Variants in ZNF468 observed in about 807,000 individuals in gnomAD.
ZNF468 encodes the protein zinc finger protein ZNF468.
ZNF468 carries 8 observed loss-of-function variants against 7.2 expected under a neutral mutation model. The observed-to-expected ratio is 1.11, with a 90% CI of 0.65 to 2.01. ZNF468 has a LOEUF of 2.01. Ranked by LOEUF, ZNF468 falls within the 30% of genes most tolerant of loss-of-function variation. The pLI is 0.00. For synonymous variants in ZNF468, 218 were observed against 214.4 expected, an observed-to-expected ratio of 1.02 and a Z score of -0.15; for missense variants, 608 against 626.5, an observed-to-expected ratio of 0.97 and a Z score of 0.31.
chr19:52,838,281 G>A lies in ZNF468; in HGVS notation c.*2444C>T, dbSNP rs1378227061. The A allele has an allele frequency of 1.3e-5, 2 of 152,128 alleles. No homozygotes were observed. Among genetic ancestry groups the A allele is most frequent in the African/African-American group, 4.8e-5 (2 of 41,412 alleles). 9.4% of individuals were successfully genotyped at this position (152,128 alleles called of 1,614,324 possible). A position where few individuals can be genotyped will look rare whatever the true frequency, so the allele number is the denominator to read the frequency against. ...CATCATCTCAATACATGGAGAAAAA[G>A]CATTTCACAAAAGTCAACATCAAGT... On this transcript the variant is annotated 3_prime_UTR_variant, in exon 4 of 4. Transcript: ENST00000595646.
intron 3 of ZNF468, among the ~76,000 whole-genome samples, chr19:52,846,005 T>C (rs1789331800): frequency 6.6e-6 from 1 of 152,032 alleles, no homozygotes; most frequent in Non-Finnish European, 1.5e-5. Flanking sequence ...CTCTATCTCA[T>C]AAATACATAA....
At chr19:52,857,060 C>T (rs1347054693) in intron 1 of ZNF468, among the ~76,000 whole-genome samples, 1 of 151,320 alleles carries the variant, frequency 6.6e-6, no homozygotes, top group East Asian at 2.0e-4. Flanking sequence ...TCAGGGGACG[C>T]GGTGACTGCG....
chr19:52,848,778 T>C (rs2063360031), intron 3 of ZNF468, among the ~76,000 whole-genome samples: 1 of 152,104 alleles, frequency 6.6e-6, no homozygotes, highest in Non-Finnish European at 1.5e-5. Context: ...CTCGAACTCC[T>C]CACCCATAGT....
rs781704250 is a variant in ZNF468 at position 52,841,891 on chromosome 19, G to A, written c.403C>T (p.Arg135Cys). Residue 135 changes from arginine to cysteine, a missense_variant, in exon 4 of 4, where the codon CGT becomes TGT. Physicochemically the swap from Arg to Cys is radical, Grantham distance 180 (BLOSUM62 -3). Transcript: ENST00000595646. ...QHDQRHAGNK[R>C]IKDQLGSSFH... ...CTTGATCCAAGCTGATCTTTAATAC[G>A]CTTGTTTCCAGCATGCCTTTGATCA... The A allele has an allele frequency of 2.5e-6, 4 of 1,613,948 alleles. No individual in the cohort carries two copies. Among genetic ancestry groups the A allele is most frequent in the African/African-American group, 2.7e-5 (2 of 74,894 alleles).
rs554007358 is a variant in ZNF468, at chr19:52,840,307, GAATTACAAGGTGTGAATTTTGACCTTTT to G, written c.*390_*417del. The G allele has an allele frequency of 2.9e-4, 120 of 418,032 alleles. No homozygotes were observed. Among genetic ancestry groups the G allele is most frequent in the African/African-American group, 2.2e-3 (109 of 48,738 alleles). 25.9% of individuals were successfully genotyped at this position (418,032 alleles called of 1,614,324 possible). On this transcript the variant is annotated 3_prime_UTR_variant, in exon 4 of 4. Transcript: ENST00000595646. ...TGCTTGTAAGGTTTCTCTCCACTAT[GAATTACAAGGTGTGAATTTTGACCTTTT>G]AATTACAAGGTGTGAATTTTGACCA...
In ZNF468 at chr19:52,850,627, C is replaced by T. The variant is rs559557003; in HGVS notation, c.16-1414G>A. ...AAAAATAACTATTATGGGCCGGGCG[C>T]GGTGGCTCACGCCTGTAATCCCAGC... On this transcript the variant is annotated intron_variant, in intron 2 of 3. Transcript: ENST00000595646. Among the ~76,000 whole-genome samples, 48 of 152,134 alleles carry T rather than the reference C, an allele frequency of 3.2e-4. 2 individuals carry two copies. Among genetic ancestry groups the T allele is most frequent in the Admixed American group, 1.3e-3 (20 of 15,266 alleles).
intron 2 of ZNF468, 145 bp downstream of exon 2, chr19:52,854,113 C>A (rs556830852): frequency 2.5e-6 from 4 of 1,569,656 alleles, no homozygotes; most frequent in East Asian, 2.3e-5. Context: ...GGAACCTAAG[C>A]GAGATGAGAG....
rs1206455555 is a variant in ZNF468 at position 52,854,308 on chromosome 19, T to A, written c.-36A>T. On this transcript the variant is annotated 5_prime_UTR_variant, in exon 2 of 4. Coordinates refer to ENST00000595646, the MANE Select transcript of ZNF468 (RefSeq NM_001008801.2). ...TTTGCTTTCCTCTTCCTCTTCTGGGTTTCTTTCTCACGTACCAACAGTCTT... is the reference window on the plus strand; with the variant it reads ...TTTGCTTTCCTCTTCCTCTTCTGGGATTCTTTCTCACGTACCAACAGTCTT... The A allele has an allele frequency of 6.2e-7, 1 of 1,613,368 alleles. No individual in the cohort carries two copies. Among genetic ancestry groups the A allele is most frequent in the Non-Finnish European group, 8.5e-7 (1 of 1,179,670 alleles).
rs750587823 is a variant in ZNF468 at position 52,840,907 on chromosome 19, C to T, written c.1387G>A (p.Gly463Arg). The change falls in exon 4 of 4, where the codon GGA becomes AGA. Residue 463 changes from glycine (G) to arginine (R), a missense_variant. Physicochemically the swap from Gly to Arg is moderately radical, Grantham distance 125. Coordinates refer to ENST00000595646, the MANE Select transcript of ZNF468 (RefSeq NM_001008801.2). The part of the protein sequence containing the change: ...HLAQHQRVHT[G>R]EKPYKCNECG... ...TCATTACACTTGTAAGGTTTCTCTC[C>T]AGTATGAACTCTCTGATGTTGTGCC... 1.4e-5 allele frequency: 23 copies of T among 1,613,892 alleles called. No individual in the cohort carries two copies. The highest frequency in any genetic ancestry group is 9.3e-5 in the African/African-American group (7 of 74,878).
At chr19:52,842,751 G>A (rs1299139743) in intron 3 of ZNF468, among the ~76,000 whole-genome samples, 1 of 136,008 alleles carries the variant, frequency 7.4e-6, no homozygotes, top group African/African-American at 2.8e-5. Context: ...AAAAGGCAAA[G>A]GTTGCAGTTA....
chr19:52,852,655 G>T (rs958620304), intron 2 of ZNF468, among the ~76,000 whole-genome samples: 12 of 151,634 alleles, frequency 7.9e-5, no homozygotes, highest in African/African-American at 2.9e-4. Context: ...CAGCCTGGGT[G>T]ACAGAGTGAG....
In ZNF468 at chr19:52,838,220, G is replaced by C. The variant is rs1173969767; in HGVS notation, c.*2505C>G. On this transcript the variant is annotated 3_prime_UTR_variant, in exon 4 of 4. Transcript: ENST00000595646. ...TCAACATAGTCAAGCAAATCAATGTGATATACCACTTGAACACAATGAAAG... is the reference window on the plus strand; with the variant it reads ...TCAACATAGTCAAGCAAATCAATGTCATATACCACTTGAACACAATGAAAG... 1 of 152,114 alleles carries C rather than the reference G, an allele frequency of 6.6e-6. No homozygotes were observed. Among genetic ancestry groups the C allele is most frequent in the Non-Finnish European group, 1.5e-5 (1 of 68,024 alleles). 9.4% of individuals were successfully genotyped at this position (152,114 alleles called of 1,614,324 possible).
intron 2 of ZNF468, among the ~76,000 whole-genome samples, chr19:52,853,502 A>T (rs1302301540): frequency 6.6e-6 from 1 of 152,122 alleles, no homozygotes; most frequent in Admixed American, 6.5e-5. Flanking sequence ...CAGCCTGGCC[A>T]GCATGCTGAA....
At chr19:52,852,675 CA>C (rs914221082) in intron 2 of ZNF468, among the ~76,000 whole-genome samples, 2 of 150,736 alleles carry the variant, frequency 1.3e-5, no homozygotes, top group Non-Finnish European at 3.0e-5. Flanking sequence ...GACTCCATCT[CA>C]AAAAAAATAA....
chr19:52,850,447 A>G (rs7257653), intron 2 of ZNF468, among the ~76,000 whole-genome samples: 77,740 of 151,932 alleles, frequency 0.51, 21,232 homozygotes, highest in African/African-American at 0.69. Flanking sequence ...AGATGTCAAA[A>G]AGCAAGCTAG....
chr19:52,841,545 T>G lies in ZNF468; in HGVS notation c.749A>C (p.Lys250Thr). The stretch of plus-strand genomic sequence containing the variant: ...AAGGTATCGCTTCTGATTAAAGACC[T>G]TGCCACATACATCACATTTACATTG... ...EKQCKCDVCG[K>T]VFNQKRYLAC... The change falls in exon 4 of 4, where the codon AAG (lysine) becomes ACG (threonine). Residue 250 changes from lysine (K) to threonine (T), a missense_variant. Coordinates refer to ENST00000595646, the MANE Select transcript of ZNF468 (RefSeq NM_001008801.2). 6.2e-7 allele frequency: 1 copy of G among 1,614,156 alleles called. No homozygotes were observed. Among genetic ancestry groups the G allele is most frequent in the Non-Finnish European group, 8.5e-7 (1 of 1,180,022 alleles).
intron 3 of ZNF468, chr19:52,845,195 T>G (rs1325618797): frequency 6.6e-6 from 1 of 151,862 alleles, no homozygotes; most frequent in Admixed American, 6.6e-5. Flanking sequence ...TCCCAGGTAC[T>G]TGGAAGGCTG....
chr19:52,841,534 G>T lies in ZNF468; in HGVS notation c.760C>A (p.Gln254Lys), dbSNP rs201739586. ...CGATGGCAGGCAAGGTATCGCTTCT[G>T]ATTAAAGACCTTGCCACATACATCA... is the stretch of plus-strand genomic sequence containing the variant. ...KCDVCGKVFNQKRYLACHRRC... is the reference protein window; with the variant it reads ...KCDVCGKVFNKKRYLACHRRC... The change falls in exon 4 of 4, where the codon CAG (glutamine) becomes AAG (lysine). Residue 254 changes from glutamine (Q) to lysine (K), a missense_variant. Gln to Lys is a moderately conservative substitution (Grantham distance 53). Transcript: ENST00000595646. The T allele has an allele frequency of 2.8e-5, 45 of 1,614,104 alleles. No homozygotes were observed. The Admixed American group carries it at 6.2e-4, about 22-fold the overall frequency.
intron 1 of ZNF468, among the ~76,000 whole-genome samples, chr19:52,856,447 C>A (rs1455675966): frequency 6.8e-6 from 1 of 146,154 alleles, no homozygotes; most frequent in East Asian, 2.0e-4. Context: ...CGTCCTCAAT[C>A]TCCATAGATT....
Sources: gnomAD v4.1 joint callset for allele counts (sites outside exome capture counted in the v4.1 genomes callset) on GRCh38, gnomAD v4.1.1 for gene constraint, MANE v1.5 for transcripts, NCBI Gene and HGNC (gene_info 2026-07-23, HGNC 2026-07-21) for gene names.